The following PTPRG variants were observed in gnomAD, a reference collection of about 807,000 sequenced individuals.
PTPRG encodes protein tyrosine phosphatase receptor type G, also known as receptor-type tyrosine-protein phosphatase gamma.
In PTPRG, 102 loss-of-function variants were observed where a neutral mutation model predicts 165.3. The observed-to-expected ratio is 0.62, with a 90% CI of 0.53 to 0.73. The LOEUF (loss-of-function observed/expected upper bound fraction) is 0.73, where lower values mean the gene tolerates loss of function less well. Ranked by LOEUF, PTPRG falls within the 30% of genes least tolerant of loss-of-function variation. The probability of loss-of-function intolerance (pLI) is 0.00; values close to 1 mark genes in which losing one functional copy is unlikely to be tolerated. For missense variants in PTPRG, 1,866 were observed against 1,861.4 expected (o/e 1.00, Z -0.05); for synonymous variants, 675 against 669.5 (o/e 1.01, Z -0.13).
chr3:61,782,476 A>G (rs967527494), intron 2 of PTPRG, among the ~76,000 whole-genome samples: 2 of 152,250 alleles, frequency 1.3e-5, no homozygotes. Context: ...AAAACTTGGT[A>G]TGAAAGACAG....
At chr3:61,945,560 CAAAAAAAAA>C (rs71123242) in intron 2 of PTPRG, among the ~76,000 whole-genome samples, 148 of 55,468 alleles carry the variant, frequency 2.7e-3, no homozygotes, top group African/African-American at 9.8e-3. Context: ...ACTCCGTCAC[CAAAAAAAAA>C]AAAAAAAAAA....
intron 2 of PTPRG, among the ~76,000 whole-genome samples, chr3:61,953,467 G>A (rs1050344343): frequency 1.2e-4 from 18 of 152,182 alleles, no homozygotes; most frequent in Non-Finnish European, 7.4e-5. Context: ...CTCTAGGAAC[G>A]TGAGCACTTC....
intron 4 of PTPRG, among the ~76,000 whole-genome samples, chr3:62,019,550 G>A (rs1233403500): frequency 6.7e-6 from 1 of 149,616 alleles, no homozygotes; most frequent in African/African-American, 2.5e-5. Context: ...AAAGTCCTTG[G>A]AAGAATAAGC....
chr3:61,741,053 T>C lies in PTPRG; in HGVS notation c.86-7825T>C, dbSNP rs796682992. Among the ~76,000 whole-genome samples, 8 of 152,364 alleles carry C rather than the reference T, an allele frequency of 5.3e-5. 1 individual carries two copies. The highest frequency in any genetic ancestry group is 1.9e-4 in the African/African-American group (8 of 41,594). On this transcript the variant is annotated intron_variant, in intron 1 of 29. Transcript: ENST00000474889. ...GAGGTTGATCAGAATATTTAATTAC[T>C]TTTAACTTAATTTGATACTTTTGCC...
intron 2 of PTPRG, among the ~76,000 whole-genome samples, chr3:61,953,590 A>G (rs578059164): frequency 2.0e-5 from 3 of 152,212 alleles, no homozygotes; most frequent in African/African-American, 7.2e-5. Flanking sequence ...TGGTGGTTCT[A>G]TGGGGAGGGG....
intron 2 of PTPRG, among the ~76,000 whole-genome samples, chr3:61,957,374 C>A (rs1276715094): frequency 6.6e-6 from 1 of 152,150 alleles, no homozygotes; most frequent in Non-Finnish European, 1.5e-5. Context: ...AAAAATTATT[C>A]ATGGTGATCA....
chr3:62,004,762 C>T (rs991370574), intron 4 of PTPRG, among the ~76,000 whole-genome samples: 1 of 152,222 alleles, frequency 6.6e-6, no homozygotes, highest in African/African-American at 2.4e-5. Context: ...TGACTTTTCA[C>T]TGGTAACATA....
intron 5 of PTPRG, among the ~76,000 whole-genome samples, chr3:62,117,613 A>G (rs1204340491): frequency 6.6e-6 from 1 of 152,190 alleles, no homozygotes; most frequent in Non-Finnish European, 1.5e-5. Context: ...CCACAAAGAT[A>G]TTTTGAAGGC....
chr3:61,876,435 C>G (rs930068735), intron 2 of PTPRG, among the ~76,000 whole-genome samples: 2 of 152,148 alleles, frequency 1.3e-5, no homozygotes, highest in African/African-American at 4.8e-5. Flanking sequence ...TGTCAATTTC[C>G]TGGTTTTGAT....
chr3:61,684,486 A>C (rs1703556951), intron 1 of PTPRG, among the ~76,000 whole-genome samples: 1 of 152,166 alleles, frequency 6.6e-6, no homozygotes, highest in Non-Finnish European at 1.5e-5. Context: ...GCCACACTCC[A>C]GTGATATTGA....
chr3:62,074,630 A>G (rs1701324738), intron 4 of PTPRG, among the ~76,000 whole-genome samples: 1 of 152,096 alleles, frequency 6.6e-6, no homozygotes, highest in South Asian at 2.1e-4. Context: ...CATGAGCCAC[A>G]TTGCACCTGG....
intron 5 of PTPRG, among the ~76,000 whole-genome samples, chr3:62,121,052 C>T (rs1216133940): frequency 6.6e-6 from 1 of 151,602 alleles, no homozygotes; most frequent in Non-Finnish European, 1.5e-5. Flanking sequence ...TCATGCCATT[C>T]TCCTGCCTCA....
chr3:61,965,038 T>A (rs927753286), intron 2 of PTPRG, among the ~76,000 whole-genome samples: 2 of 151,668 alleles, frequency 1.3e-5, no homozygotes, highest in Admixed American at 6.6e-5. Context: ...AGGTCAGGAG[T>A]CCGAGACCAG....
intron 1 of PTPRG, among the ~76,000 whole-genome samples, chr3:61,708,539 G>T (rs187411862): frequency 5.1e-5 from 7 of 138,330 alleles, no homozygotes; most frequent in African/African-American, 1.9e-4. Context: ...TGGGCAAGCT[G>T]TGCCCCCTGG....
chr3:61,986,051 A>T lies in PTPRG; in HGVS notation c.191-3574A>T, dbSNP rs1383598144. On this transcript the variant is annotated intron_variant, in intron 2 of 29. Transcript: ENST00000474889. Reference sequence around the variant, plus strand: ...TACTTAGCAAGAAGTCAGTAGATAGATGGGTAAACTCAAACTAAAATAAAT... The same window carrying T: ...TACTTAGCAAGAAGTCAGTAGATAGTTGGGTAAACTCAAACTAAAATAAAT... Among the ~76,000 whole-genome samples, 4 of 151,482 alleles carry T rather than the reference A, an allele frequency of 2.6e-5. No individual in the cohort carries two copies. The East Asian group carries it at 7.7e-4, about 29-fold the overall frequency.
chr3:61,659,426 A>G (rs1037404070), intron 1 of PTPRG: 1 of 985,220 alleles, frequency 1.0e-6, no homozygotes. Context: ...TACACTTCTT[A>G]AAAGTGAAAA....
intron 1 of PTPRG, among the ~76,000 whole-genome samples, chr3:61,570,940 G>A (rs1028062878): frequency 1.3e-5 from 2 of 152,110 alleles, no homozygotes; most frequent in African/African-American, 4.8e-5. Flanking sequence ...GGGTTGGGTG[G>A]CGCTGGGGCT....
chr3:61,881,070 G>GT (rs1026660857), intron 2 of PTPRG, among the ~76,000 whole-genome samples: 186 of 145,822 alleles, frequency 1.3e-3, no homozygotes, highest in African/African-American at 2.7e-3. Flanking sequence ...TTTTACAAGG[G>GT]TTTTTTTTTT....
chr3:61,949,347 A>T (rs1401119780), intron 2 of PTPRG, among the ~76,000 whole-genome samples: 1 of 152,176 alleles, frequency 6.6e-6, no homozygotes, highest in African/African-American at 2.4e-5. Flanking sequence ...TTATGTTTTG[A>T]GGGGTGCAAT....
Sources: allele counts gnomAD v4.1 joint callset (sites outside exome capture counted in the v4.1 genomes callset), GRCh38; gene constraint gnomAD v4.1.1; transcripts MANE v1.5; gene names NCBI Gene and HGNC (gene_info 2026-07-23, HGNC 2026-07-21).